Variants in CENPP observed in about 807,000 individuals in gnomAD.
CENPP encodes the protein centromere protein P.
CENPP carries 24 observed loss-of-function variants against 35.6 expected under a neutral mutation model. The observed-to-expected ratio is 0.67, with a 90% CI of 0.49 to 0.95. The LOEUF (loss-of-function observed/expected upper bound fraction) is 0.95. CENPP is among the 40% of genes least tolerant of loss of function. The pLI is 0.00. For missense variants in CENPP, 332 were observed against 345.3 expected (o/e 0.96, Z 0.31); for synonymous variants, 120 against 125.5 (o/e 0.96, Z 0.29).
intron 5 of CENPP, among the ~76,000 whole-genome samples, chr9:92,582,352 C>G (rs1850447713): frequency 6.6e-6 from 1 of 152,130 alleles, no homozygotes; most frequent in Non-Finnish European, 1.5e-5. Flanking sequence ...ACTACCACAC[C>G]TGGCCCAAAG....
At chr9:92,456,742 C>T (rs79346350) in intron 5 of CENPP, 114 of 165,136 alleles carry the variant, frequency 6.9e-4, no homozygotes, top group African/African-American at 2.5e-3. Flanking sequence ...AACATAAAGA[C>T]GGGCTCTAAG....
intron 4 of CENPP, among the ~76,000 whole-genome samples, chr9:92,364,768 T>C (rs866148427): frequency 2.6e-4 from 39 of 152,358 alleles, no homozygotes; most frequent in African/African-American, 8.9e-4. Flanking sequence ...TACAACCTAG[T>C]GTATGCACAA....
At chr9:92,449,005 T>C (rs759506987) in intron 5 of CENPP, among the ~76,000 whole-genome samples, 5 of 152,212 alleles carry the variant, frequency 3.3e-5, no homozygotes, top group African/African-American at 1.2e-4. Flanking sequence ...CTCATTGATA[T>C]ATTTGCAAAG....
intron 5 of CENPP, among the ~76,000 whole-genome samples, chr9:92,401,717 A>T (rs1843118763): frequency 6.6e-6 from 1 of 152,064 alleles, no homozygotes; most frequent in Non-Finnish European, 1.5e-5. Context: ...GATCCCTTTT[A>T]TTCCAGCTTA....
chr9:92,608,449 T>C (rs757359468), intron 5 of CENPP, among the ~76,000 whole-genome samples: 7 of 152,238 alleles, frequency 4.6e-5, no homozygotes, highest in Non-Finnish European at 8.8e-5. Context: ...GGTCATCTTT[T>C]ATCCACGTCA....
chr9:92,564,636 A>C (rs1307779258), intron 5 of CENPP, among the ~76,000 whole-genome samples: 1 of 152,204 alleles, frequency 6.6e-6, no homozygotes, highest in African/African-American at 2.4e-5. Context: ...AATATAATCC[A>C]TTCTGTGGAT....
chr9:92,339,472 A>G (rs1323131788), intron 3 of CENPP, among the ~76,000 whole-genome samples: 1 of 152,038 alleles, frequency 6.6e-6, no homozygotes, highest in Middle Eastern at 3.4e-3. Flanking sequence ...AGGATGGGCT[A>G]GGGGTTGTCT....
chr9:92,434,814 G>A (rs543386967), intron 5 of CENPP, among the ~76,000 whole-genome samples: 33 of 152,266 alleles, frequency 2.2e-4, no homozygotes, highest in African/African-American at 6.7e-4. Flanking sequence ...AGCCTGAAGC[G>A]GACGGATCAC....
intron 5 of CENPP, among the ~76,000 whole-genome samples, chr9:92,605,281 G>A (rs773798877): frequency 2.0e-5 from 3 of 152,094 alleles, no homozygotes; most frequent in Admixed American, 6.5e-5. Context: ...GAACCACTGC[G>A]CCCAGCCCCT....
intron 5 of CENPP, chr9:92,403,346 G>A (rs759050833): frequency 2.5e-6 from 4 of 1,613,348 alleles, no homozygotes; most frequent in East Asian, 2.2e-5. Flanking sequence ...CTGGGTTGGT[G>A]GTGCTGGCTT....
intron 5 of CENPP, among the ~76,000 whole-genome samples, chr9:92,462,106 T>G (rs889774709): frequency 7.9e-5 from 12 of 152,130 alleles, no homozygotes; most frequent in Non-Finnish European, 2.9e-5. Context: ...GCCTCCCAAG[T>G]AGCTGGGACT....
At chr9:92,606,360 C>T (rs959690358) in intron 5 of CENPP, among the ~76,000 whole-genome samples, 6 of 152,098 alleles carry the variant, frequency 3.9e-5, no homozygotes, top group African/African-American at 1.4e-4. Flanking sequence ...ATCAAAATCA[C>T]AATGAGATAC....
chr9:92,430,859 G>A (rs984806131), intron 5 of CENPP, among the ~76,000 whole-genome samples: 129 of 152,154 alleles, frequency 8.5e-4, no homozygotes, highest in African/African-American at 2.9e-3. Flanking sequence ...GCAGTGGCAC[G>A]ATCTCGGCTC....
chr9:92,595,055 C>A (rs894088247), intron 5 of CENPP, among the ~76,000 whole-genome samples: 1 of 151,934 alleles, frequency 6.6e-6, no homozygotes. Context: ...AGCCACCAAG[C>A]GCAGCTAATT....
chr9:92,490,118 T>A (rs1430890861), intron 5 of CENPP, among the ~76,000 whole-genome samples: 1 of 152,240 alleles, frequency 6.6e-6, no homozygotes, highest in Non-Finnish European at 1.5e-5. Flanking sequence ...CTTTATTATG[T>A]CTACCCTGTG....
chr9:92,407,803 G>T (rs1287248646), intron 5 of CENPP, among the ~76,000 whole-genome samples: 1 of 151,988 alleles, frequency 6.6e-6, no homozygotes, highest in African/African-American at 2.4e-5. Flanking sequence ...TGTAGAGACG[G>T]GGTCCTCTTA....
rs538403639 is a variant in CENPP at position 92,492,252 on chromosome 9, A to G, written c.564+112393A>G. On this transcript the variant is annotated intron_variant, in intron 5 of 7. Coordinates refer to ENST00000375587, the MANE Select transcript of CENPP (RefSeq NM_001012267.3). ...CCTGTAATTTGTGGCTTAAATTTTCATATACTTATGCCGAGTCTAAAATAA... is the reference window on the plus strand; with the variant it reads ...CCTGTAATTTGTGGCTTAAATTTTCGTATACTTATGCCGAGTCTAAAATAA... 2.3e-3 allele frequency among the ~76,000 whole-genome samples: 354 copies of G among 152,204 alleles called. 1 individual carries two copies. Among genetic ancestry groups the G allele is most frequent in the Non-Finnish European group, 3.6e-3 (244 of 68,034 alleles).
chr9:92,547,006 A>G (rs776860673), intron 5 of CENPP, among the ~76,000 whole-genome samples: 8 of 152,190 alleles, frequency 5.3e-5, no homozygotes, highest in Non-Finnish European at 8.8e-5. Context: ...GGTCAGTCTC[A>G]CTAATGAACA....
At position 92,546,721 on chromosome 9, in the gene CENPP, G is replaced by A. The variant is rs75483239; in HGVS notation, c.565-64593G>A. 5.5e-3 allele frequency among the ~76,000 whole-genome samples: 844 copies of A among 152,224 alleles called. 8 individuals are homozygous for A. The highest frequency in any genetic ancestry group is 0.019 in the African/African-American group (791 of 41,518). On this transcript the variant is annotated intron_variant, in intron 5 of 7. Transcript: ENST00000375587. ...TGAAGTCAGTGAGACCAAGAACCCA[G>A]CAGTTCTGCACACAATACTATGAAC...
Sources: gnomAD v4.1 joint callset for allele counts (sites outside exome capture counted in the v4.1 genomes callset) on GRCh38, gnomAD v4.1.1 for gene constraint, MANE v1.5 for transcripts, NCBI Gene and HGNC (gene_info 2026-07-23, HGNC 2026-07-21) for gene names.